The following GRM5 variants were observed in gnomAD, a reference collection of about 807,000 sequenced individuals.
The protein encoded by GRM5 is glutamate metabotropic receptor 5.
GRM5 carries 19 observed loss-of-function variants against 83.1 expected under a neutral mutation model. The observed-to-expected ratio is 0.23, with a 90% confidence interval of 0.16 to 0.34. The LOEUF (loss-of-function observed/expected upper bound fraction) is 0.34. Ranked by LOEUF, GRM5 falls within the 10% of genes least tolerant of loss-of-function variation. The probability of loss-of-function intolerance (pLI) is 1.00; values close to 1 mark genes in which losing one functional copy is unlikely to be tolerated. For missense variants in GRM5, 1,160 were observed against 1,588.3 expected, an observed-to-expected ratio of 0.73 and a Z score of 4.58; for synonymous variants, 675 against 633.6, an observed-to-expected ratio of 1.07 and a Z score of -0.98.
chr11:89,025,375 T>C (rs1217856515), intron 2 of GRM5, among the ~76,000 whole-genome samples: 2 of 152,140 alleles, frequency 1.3e-5, no homozygotes, highest in African/African-American at 4.8e-5. Context: ...ATAGGTCATA[T>C]TGATGAAGAC....
At chr11:88,665,177 A>ACACACACACACACG (rs1721970728) in intron 3 of GRM5, among the ~76,000 whole-genome samples, 1 of 151,694 alleles carries the variant, frequency 6.6e-6, no homozygotes, top group Non-Finnish European at 1.5e-5. Context: ...ACACACACAC[A>ACACACACACACACG]CACACACACA....
chr11:88,913,651 G>A (rs634859), intron 2 of GRM5, among the ~76,000 whole-genome samples: 78,076 of 144,918 alleles, frequency 0.54, 21,404 homozygotes, highest in South Asian at 0.67. Context: ...CAGTGGCACA[G>A]TCTCGGCTCA....
At chr11:89,004,200 G>T (rs538727589) in intron 2 of GRM5, among the ~76,000 whole-genome samples, 26 of 152,162 alleles carry the variant, frequency 1.7e-4, no homozygotes, top group Admixed American at 1.7e-3. Context: ...TCTCTTAAAT[G>T]CAAGAGGCTG....
At chr11:88,629,534 A>C (rs1326566676) in intron 4 of GRM5, among the ~76,000 whole-genome samples, 1 of 152,122 alleles carries the variant, frequency 6.6e-6, no homozygotes, top group Non-Finnish European at 1.5e-5. Context: ...ATCACGGACA[A>C]ATAGAAAACC....
At chr11:88,930,445 T>A (rs1937665538) in intron 2 of GRM5, among the ~76,000 whole-genome samples, 1 of 152,050 alleles carries the variant, frequency 6.6e-6, no homozygotes, top group African/African-American at 2.4e-5. Flanking sequence ...AAGTAAATTA[T>A]CTGATGCATT....
chr11:88,643,218 C>T (rs72955100), intron 4 of GRM5, among the ~76,000 whole-genome samples: 8,519 of 152,102 alleles, frequency 0.056, 240 homozygotes, highest in Middle Eastern at 0.071. Context: ...GCAGGCACAT[C>T]ATATGGCCAG....
intron 2 of GRM5, chr11:88,984,829 T>C (rs747475677): frequency 1.2e-5 from 9 of 738,934 alleles, no homozygotes; most frequent in Admixed American, 3.7e-5. Flanking sequence ...CATCATATAC[T>C]AAAGAATCAT....
At chr11:88,973,501 T>C (rs920330960) in intron 2 of GRM5, among the ~76,000 whole-genome samples, 2 of 152,010 alleles carry the variant, frequency 1.3e-5, no homozygotes, top group African/African-American at 2.4e-5. Context: ...AAGAAAGTGT[T>C]AAGATGGAGG....
rs1330282604 is a variant in GRM5 at position 88,510,284 on chromosome 11, G to A, written c.2727-780C>T. Among the ~76,000 whole-genome samples, 5 of 152,202 alleles carry A rather than the reference G, an allele frequency of 3.3e-5. No homozygotes were observed. In the East Asian group the frequency reaches 9.6e-4, roughly 29 times the overall value. Reference sequence around the variant, plus strand: ...CAGAGTGATCTCAAATTAGGATCCTGGTGAATATTGAGGGACTGACAAGTT... The same window carrying A: ...CAGAGTGATCTCAAATTAGGATCCTAGTGAATATTGAGGGACTGACAAGTT... On this transcript the variant is annotated intron_variant, in intron 9 of 9. Transcript: ENST00000305447.
At chr11:88,833,723 C>T (rs139914955) in intron 3 of GRM5, among the ~76,000 whole-genome samples, 77 of 152,222 alleles carry the variant, frequency 5.1e-4, no homozygotes, top group African/African-American at 1.8e-3. Flanking sequence ...ATCTAAGTAT[C>T]CATCAATGGA....
chr11:88,618,143 G>A (rs890208584), intron 4 of GRM5, among the ~76,000 whole-genome samples: 7 of 152,266 alleles, frequency 4.6e-5, no homozygotes, highest in East Asian at 1.9e-4. Context: ...GACAGTTGGA[G>A]GCGCAGCCTA....
intron 3 of GRM5, among the ~76,000 whole-genome samples, chr11:88,714,402 A>C (rs113713699): frequency 1.1e-3 from 163 of 152,110 alleles, no homozygotes; most frequent in African/African-American, 3.1e-3. Flanking sequence ...AAAATGTGAC[A>C]TCTACATCCA....
rs553384660 is a variant in GRM5, at chr11:88,533,263, A to G, written c.2631-7859T>C. Among the ~76,000 whole-genome samples the G allele has an allele frequency of 5.3e-5, 8 of 152,230 alleles. No homozygotes were observed. In the South Asian group the frequency reaches 1.7e-3, roughly 32 times the overall value. The stretch of plus-strand genomic sequence containing the variant: ...CCTTGCTCACATTGCTTCATCTACA[A>G]TGATCTTCTTGTTGCTTGAAGACAC... On this transcript the variant is annotated intron_variant, in intron 8 of 9. Coordinates refer to ENST00000305447, the MANE Select transcript of GRM5 (RefSeq NM_001143831.3).
chr11:89,023,153 G>T (rs182275280), intron 2 of GRM5, among the ~76,000 whole-genome samples: 1 of 152,040 alleles, frequency 6.6e-6, no homozygotes, highest in Non-Finnish European at 1.5e-5. Context: ...GTGTGTGTGT[G>T]TGTGTGTGTG....
intron 3 of GRM5, among the ~76,000 whole-genome samples, chr11:88,755,355 C>G (rs1442152518): frequency 6.6e-6 from 1 of 151,930 alleles, no homozygotes; most frequent in Non-Finnish European, 1.5e-5. Flanking sequence ...ATGAACTTGA[C>G]CAAATTAATT....
chr11:88,654,149 C>A (rs1939708557), intron 3 of GRM5, among the ~76,000 whole-genome samples: 1 of 152,056 alleles, frequency 6.6e-6, no homozygotes, highest in Non-Finnish European at 1.5e-5. Context: ...AACTATCATT[C>A]TATGCACTGC....
At chr11:88,883,837 C>CATGGTGTTG (rs1225168073) in intron 2 of GRM5, among the ~76,000 whole-genome samples, 9 of 152,178 alleles carry the variant, frequency 5.9e-5, no homozygotes, top group African/African-American at 2.2e-4. Flanking sequence ...GCAACTTACA[C>CATGGTGTTG]ATGGTGTTGG....
rs373325390 is a variant in GRM5, at chr11:88,736,022, A to T, written c.912-82619T>A. Among the ~76,000 whole-genome samples, 116 of 152,200 alleles carry T rather than the reference A, an allele frequency of 7.6e-4. 1 individual carries two copies. Among genetic ancestry groups the T allele is most frequent in the African/African-American group, 2.5e-3 (104 of 41,570 alleles). On this transcript the variant is annotated intron_variant, in intron 3 of 9. Coordinates refer to ENST00000305447, the MANE Select transcript of GRM5 (RefSeq NM_001143831.3). Reference sequence around the variant, plus strand: ...AACACTTCTGAGCACTCTCGAAGTTAGACAATCATTTGTGGTCATTTAGAC... The same window carrying T: ...AACACTTCTGAGCACTCTCGAAGTTTGACAATCATTTGTGGTCATTTAGAC...
intron 3 of GRM5, among the ~76,000 whole-genome samples, chr11:88,727,550 A>G (rs1941711899): frequency 6.6e-6 from 1 of 152,232 alleles, no homozygotes; most frequent in African/African-American, 2.4e-5. Flanking sequence ...ATAGACATCT[A>G]CAGAACTCTC....
Sources: allele counts gnomAD v4.1 joint callset (sites outside exome capture counted in the v4.1 genomes callset), GRCh38; gene constraint gnomAD v4.1.1; transcripts MANE v1.5; gene names NCBI Gene and HGNC (gene_info 2026-07-23, HGNC 2026-07-21).